C8orf88: variants seen among roughly 807,000 people sequenced by gnomAD.
The protein encoded by C8orf88 is chromosome 8 open reading frame 88, also known as uncharacterized protein C8orf88.
A neutral mutation model predicts 18.4 loss-of-function variants in C8orf88; 14 were observed. That is an observed-to-expected ratio of 0.76 (90% confidence interval 0.50 to 1.19). The LOEUF (loss-of-function observed/expected upper bound fraction) is 1.19, where lower values mean the gene tolerates loss of function less well. C8orf88 is among the 50% of genes most tolerant of loss of function. The pLI, the probability that C8orf88 is intolerant of heterozygous loss-of-function variation, is 0.00. For missense variants in C8orf88, 116 were observed against 134.7 expected (o/e 0.86, Z 0.69); for synonymous variants, 45 against 42.9 (o/e 1.05, Z -0.19).
intron 1 of C8orf88, among the ~76,000 whole-genome samples, chr8:90,984,212 T>C (rs184432911): frequency 2.0e-5 from 3 of 152,284 alleles, no homozygotes; most frequent in Non-Finnish European, 4.4e-5. Context: ...TAAAGTGAAA[T>C]AATGAAATGA....
chr8:90,970,357 A>G (rs906839839), intron 4 of C8orf88, among the ~76,000 whole-genome samples: 1 of 152,014 alleles, frequency 6.6e-6, no homozygotes, highest in Admixed American at 6.6e-5. Flanking sequence ...TAAATATTAG[A>G]AGAAAAAAAT....
At chr8:90,970,143 T>C (rs1197604520) in intron 4 of C8orf88, among the ~76,000 whole-genome samples, 1 of 151,966 alleles carries the variant, frequency 6.6e-6, no homozygotes. Flanking sequence ...AGCAGTTATA[T>C]TTTACACAGT....
At position 90,980,390 on chromosome 8, in the gene C8orf88, G is replaced by T; in HGVS notation, c.46C>A (p.Pro16Thr). 6.5e-7 allele frequency: 1 copy of T among 1,533,166 alleles called. No homozygotes were observed. Among genetic ancestry groups the T allele is most frequent in the Non-Finnish European group, 8.7e-7 (1 of 1,145,758 alleles). The allele number at this position is 1,533,166 out of a possible 1,614,324, so 95.0% of individuals were successfully genotyped here. A position where few individuals can be genotyped will look rare whatever the true frequency, so the allele number is the denominator to read the frequency against. Residue 16 changes from proline (P) to threonine (T), a missense_variant, in exon 2 of 6, where the codon CCT (proline) becomes ACT (threonine). Transcript: ENST00000517562. ...GGGGGAGAAGTCAGATGACGAACAG[G>T]TCTTGCTGGTTGAAGCGGTTTACCA... Reference protein sequence around the residue: ...LIGKPLQPARPVRHLTSPPGA... With the variant: ...LIGKPLQPARTVRHLTSPPGA...
At chr8:90,971,484 C>T (rs913455350) in intron 3 of C8orf88, among the ~76,000 whole-genome samples, 4 of 151,934 alleles carry the variant, frequency 2.6e-5, no homozygotes, top group African/African-American at 9.7e-5. Flanking sequence ...ATGAAAACAA[C>T]ACATTTTTAT....
chr8:90,983,273 T>C lies in C8orf88; in HGVS notation c.-27+1841A>G, dbSNP rs544235086. On this transcript the variant is annotated intron_variant, in intron 1 of 5. Transcript: ENST00000517562. ...AAATGTTTTTTAAAGGATATTTTGA[T>C]CCAATGTCTCCAAAAAAACTTTCTA... 5.9e-5 allele frequency among the ~76,000 whole-genome samples: 9 copies of C among 152,272 alleles called. No homozygotes were observed. The East Asian group carries it at 1.7e-3, about 29-fold the overall frequency.
intron 4 of C8orf88, among the ~76,000 whole-genome samples, chr8:90,966,911 GT>G (rs1811207981): frequency 6.6e-6 from 1 of 151,924 alleles, no homozygotes; most frequent in Non-Finnish European, 1.5e-5. Context: ...AACAGATATT[GT>G]TTTTGAACTA....
chr8:90,970,200 A>G (rs1161788447), intron 4 of C8orf88, among the ~76,000 whole-genome samples: 1 of 152,136 alleles, frequency 6.6e-6, no homozygotes, highest in South Asian at 2.1e-4. Context: ...AACTTGTGAA[A>G]TAACTATGTG....
chr8:90,983,751 A>T (rs759957075), intron 1 of C8orf88, among the ~76,000 whole-genome samples: 1 of 152,140 alleles, frequency 6.6e-6, no homozygotes, highest in Non-Finnish European at 1.5e-5. Flanking sequence ...AAAATAAGAG[A>T]CATGCCCAAG....
intron 2 of C8orf88, among the ~76,000 whole-genome samples, chr8:90,980,116 T>C (rs1421761641): frequency 6.6e-6 from 1 of 152,136 alleles, no homozygotes; most frequent in East Asian, 1.9e-4. Context: ...AAATGAGACA[T>C]GAGAAAAAAC....
chr8:90,985,021 G>A (rs75129807), intron 1 of C8orf88, 93 bp downstream of exon 1: 7,688 of 152,432 alleles, frequency 0.05, 258 homozygotes, highest in Non-Finnish European at 0.076. Flanking sequence ...CTTTCCCGGG[G>A]TCGGGCCTGG....
chr8:90,977,558 T>C (rs1811369940), intron 3 of C8orf88, among the ~76,000 whole-genome samples: 1 of 152,200 alleles, frequency 6.6e-6, no homozygotes, highest in Admixed American at 6.5e-5. Flanking sequence ...CAGTTCATAT[T>C]TAACTGCTTT....
At chr8:90,965,312 A>G (rs1586160479) in intron 4 of C8orf88, among the ~76,000 whole-genome samples, 1 of 151,960 alleles carries the variant, frequency 6.6e-6, no homozygotes, top group Non-Finnish European at 1.5e-5. Flanking sequence ...AAAAGCATCA[A>G]TTCATCAAGA....
chr8:90,974,551 C>T (rs191090848), intron 3 of C8orf88, among the ~76,000 whole-genome samples: 1 of 152,280 alleles, frequency 6.6e-6, no homozygotes, highest in East Asian at 1.9e-4. Flanking sequence ...TCAGTCCAGT[C>T]ATCCCAGGAG....
At chr8:90,965,793 A>G (rs1811185928) in intron 4 of C8orf88, among the ~76,000 whole-genome samples, 1 of 151,902 alleles carries the variant, frequency 6.6e-6, no homozygotes, top group Non-Finnish European at 1.5e-5. Flanking sequence ...CAATGCATCA[A>G]AGAATAAACA....
chr8:90,971,062 T>C lies in C8orf88; in HGVS notation c.223+4A>G. On this transcript the variant is annotated splice_donor_region_variant and intron_variant, in intron 4 of 5. Transcript: ENST00000517562. ...TAAAATTGGGAATTATGATAAAATT[T>C]TACCTTTCTTAACTGGAGACTGCTG... 6.7e-7 allele frequency: 1 copy of C among 1,495,244 alleles called. No homozygotes were observed. Among genetic ancestry groups the C allele is most frequent in the Non-Finnish European group, 8.9e-7 (1 of 1,124,228 alleles). 92.6% of individuals were successfully genotyped at this position (1,495,244 alleles called of 1,614,324 possible).
At chr8:90,978,985 T>A (rs1358525215) in intron 2 of C8orf88, among the ~76,000 whole-genome samples, 1 of 152,202 alleles carries the variant, frequency 6.6e-6, no homozygotes, top group African/African-American at 2.4e-5. Flanking sequence ...GTTTGGGGTA[T>A]CACATAGGTT....
rs1470308023 is a variant in C8orf88, at chr8:90,970,954, A to G, written c.223+112T>C. 5 of 586,052 alleles carry G rather than the reference A, an allele frequency of 8.5e-6. No homozygotes were observed. The East Asian group carries it at 1.6e-4, about 18-fold the overall frequency. The allele number at this position is 586,052 out of a possible 1,614,324, so 36.3% of individuals were successfully genotyped here. On this transcript the variant is annotated intron_variant, in intron 4 of 5. Coordinates refer to ENST00000517562, the MANE Select transcript of C8orf88 (RefSeq NM_001190972.2). ...TCATATAGATAGAAATCAATCAAAA[A>G]ATATATAATAAAATTTCATATAAGT...
chr8:90,972,417 TAAAA>T (rs72355572), intron 3 of C8orf88, among the ~76,000 whole-genome samples: 3 of 145,480 alleles, frequency 2.1e-5, no homozygotes, highest in Non-Finnish European at 4.6e-5. Flanking sequence ...TTCTAAAAAT[TAAAA>T]AAAAAAACAA....
chr8:90,971,345 C>T (rs1811280857), intron 3 of C8orf88, among the ~76,000 whole-genome samples: 1 of 151,640 alleles, frequency 6.6e-6, no homozygotes, highest in Non-Finnish European at 1.5e-5. Context: ...GTTTTTTTGG[C>T]ATTATTATAA....
Sources: gnomAD v4.1 joint callset for allele counts (sites outside exome capture counted in the v4.1 genomes callset) on GRCh38, gnomAD v4.1.1 for gene constraint, MANE v1.5 for transcripts, NCBI Gene and HGNC (gene_info 2026-07-23, HGNC 2026-07-21) for gene names.